Variants in OR7C1 observed in about 807,000 individuals in gnomAD.
OR7C1 encodes olfactory receptor family 7 subfamily C member 1, also known as olfactory receptor 7C1.
For missense variants in OR7C1, 324 were observed against 383.3 expected (o/e 0.85, Z 1.29); for synonymous variants, 152 against 160.7 (o/e 0.95, Z 0.41).
intron 1 of OR7C1, among the ~76,000 whole-genome samples, chr19:14,820,497 A>G (rs1187814048): frequency 6.6e-6 from 1 of 152,048 alleles, no homozygotes; most frequent in African/African-American, 2.4e-5. Flanking sequence ...GCAAACCACC[A>G]TGGCACATGT....
intron 1 of OR7C1, among the ~76,000 whole-genome samples, chr19:14,811,910 C>T (rs1286565329): frequency 6.6e-6 from 1 of 151,952 alleles, no homozygotes; most frequent in Non-Finnish European, 1.5e-5. Context: ...CGGCCTAGCT[C>T]CTAACAGGCT....
intron 1 of OR7C1, chr19:14,828,235 G>T: frequency 6.2e-7 from 1 of 1,608,938 alleles, no homozygotes; most frequent in South Asian, 1.1e-5. Flanking sequence ...TCATTTCCTG[G>T]TTCCATTTGA....
intron 1 of OR7C1, among the ~76,000 whole-genome samples, 151 bp downstream of exon 1, chr19:14,834,923 C>G (rs981874882): frequency 2.0e-5 from 3 of 152,204 alleles, no homozygotes; most frequent in African/African-American, 4.8e-5. Context: ...CGAGACATTA[C>G]TTAGTTAATT....
At chr19:14,828,007 GA>G in intron 1 of OR7C1, 1 of 1,614,210 alleles carries the variant, frequency 6.2e-7, no homozygotes, top group Non-Finnish European at 8.5e-7. Context: ...AGCATTTTTG[GA>G]ATGGTGGTGG....
At chr19:14,829,472 G>GT (rs1198591895) in intron 1 of OR7C1, among the ~76,000 whole-genome samples, 2 of 152,172 alleles carry the variant, frequency 1.3e-5, no homozygotes, top group East Asian at 3.8e-4. Flanking sequence ...CAAAGTGCTG[G>GT]GATTATAGGC....
intron 1 of OR7C1, among the ~76,000 whole-genome samples, chr19:14,833,814 G>A (rs879656955): frequency 4.6e-5 from 7 of 152,206 alleles, no homozygotes; most frequent in African/African-American, 1.7e-4. Context: ...ACGTCCATCA[G>A]CCTGAGCGGG....
chr19:14,828,758 CAAAAAAAAAAAA>C (rs58983718), intron 1 of OR7C1, among the ~76,000 whole-genome samples: 144 of 35,156 alleles, frequency 4.1e-3, no homozygotes, highest in Non-Finnish European at 5.9e-3. Flanking sequence ...GACTCCATCT[CAAAAAAAAAAAA>C]AAAAAAAAAA....
chr19:14,816,833 G>C (rs1197560746), intron 1 of OR7C1, among the ~76,000 whole-genome samples: 2 of 152,192 alleles, frequency 1.3e-5, no homozygotes, highest in African/African-American at 2.4e-5. Flanking sequence ...TGAGTTATTG[G>C]AGAAGGAGTA....
At chr19:14,828,110 G>A (rs2044792186) in intron 1 of OR7C1, 3 of 1,614,026 alleles carry the variant, frequency 1.9e-6, no homozygotes, top group African/African-American at 2.7e-5. Context: ...CCAGGATGAT[G>A]AGCAGGTTCC....
intron 2 of OR7C1, among the ~76,000 whole-genome samples, chr19:14,803,496 G>A (rs963902046): frequency 3.3e-5 from 5 of 151,884 alleles, no homozygotes; most frequent in African/African-American, 7.3e-5. Context: ...TCACCATGTT[G>A]AACATGCCTG....
chr19:14,808,209 G>A (rs2044675033), intron 2 of OR7C1, among the ~76,000 whole-genome samples: 1 of 151,840 alleles, frequency 6.6e-6, no homozygotes, highest in Admixed American at 6.6e-5. Flanking sequence ...AAAACAGTAT[G>A]GAGATTTCCC....
intron 2 of OR7C1, among the ~76,000 whole-genome samples, chr19:14,808,307 C>T (rs997008819): frequency 6.6e-6 from 1 of 151,910 alleles, no homozygotes; most frequent in Non-Finnish European, 1.5e-5. Context: ...ACACAAAAGA[C>T]ACCTGAACTA....
At chr19:14,834,743 G>A (rs536623219) in intron 1 of OR7C1, among the ~76,000 whole-genome samples, 7 of 152,142 alleles carry the variant, frequency 4.6e-5, no homozygotes, top group South Asian at 4.1e-4. Context: ...GCCAATACAC[G>A]ATTTCTCTAC....
At chr19:14,801,309 A>G (rs1395351363) in intron 2 of OR7C1, among the ~76,000 whole-genome samples, 2 of 152,324 alleles carry the variant, frequency 1.3e-5, no homozygotes, top group East Asian at 3.9e-4. Flanking sequence ...CTTTGTTTAT[A>G]AAGCCAATGT....
chr19:14,813,987 A>C (rs2044704659), intron 1 of OR7C1, among the ~76,000 whole-genome samples: 1 of 152,180 alleles, frequency 6.6e-6, no homozygotes. Flanking sequence ...TGTAAGAATG[A>C]AATTGGATCC....
chr19:14,827,890 T>C (rs774692892), intron 1 of OR7C1: 1 of 1,614,108 alleles, frequency 6.2e-7, no homozygotes, highest in East Asian at 2.2e-5. Flanking sequence ...TCATAGGCCA[T>C]CACGGACAGG....
intron 1 of OR7C1, among the ~76,000 whole-genome samples, 192 bp from the exon 2 acceptor site, chr19:14,810,185 C>T (rs566251613): frequency 6.6e-6 from 1 of 151,862 alleles, no homozygotes; most frequent in Non-Finnish European, 1.5e-5. Context: ...ACACATATTC[C>T]TTTCTATTCG....
At position 14,812,514 on chromosome 19, in the gene OR7C1, C is replaced by T. The variant is rs547806452; in HGVS notation, c.-622-2521G>A. On this transcript the variant is annotated intron_variant, in intron 1 of 4. Coordinates refer to ENST00000641666, the Ensembl canonical transcript of OR7C1. ...CCACCAGTGCATGCATCCCCTGTCACGTACCCCCTGCTTGCTCAAATCAAT... is the reference window on the plus strand; with the variant it reads ...CCACCAGTGCATGCATCCCCTGTCATGTACCCCCTGCTTGCTCAAATCAAT... Among the ~76,000 whole-genome samples, 60 of 152,292 alleles carry T rather than the reference C, an allele frequency of 3.9e-4. No homozygotes were observed. In the South Asian group the frequency reaches 0.011, roughly 29 times the overall value.
chr19:14,818,079 T>TTTAA, intron 1 of OR7C1, among the ~76,000 whole-genome samples: 1 of 149,388 alleles, frequency 6.7e-6, no homozygotes, highest in Non-Finnish European at 1.5e-5. Context: ...TATTTATTTA[T>TTTAA]TTATTTATTT....
Sources: allele counts gnomAD v4.1 joint callset (sites outside exome capture counted in the v4.1 genomes callset), GRCh38; gene constraint gnomAD v4.1.1; transcripts MANE v1.5; gene names NCBI Gene and HGNC (gene_info 2026-07-23, HGNC 2026-07-21).